The following ZNF385D variants were observed in gnomAD, a reference collection of about 807,000 sequenced individuals.
ZNF385D encodes zinc finger protein 659.
Under a neutral mutation model 35.8 loss-of-function variants are expected in ZNF385D, and 15 were observed. That is an observed-to-expected ratio of 0.42 (90% CI 0.28 to 0.64). ZNF385D has a LOEUF of 0.64. Ranked by LOEUF, ZNF385D falls within the 30% of genes least tolerant of loss-of-function variation. ZNF385D has a pLI of 0.23. For synonymous variants in ZNF385D, 212 were observed against 186.8 expected (o/e 1.13, Z -1.10); for missense variants, 474 against 494.6 (o/e 0.96, Z 0.39).
chr3:22,008,055 A>G (rs909298012), intron 3 of ZNF385D, among the ~76,000 whole-genome samples: 1 of 151,890 alleles, frequency 6.6e-6, no homozygotes, highest in African/African-American at 2.4e-5. Flanking sequence ...TTATTTTTCC[A>G]GAGTTTGATG....
intron 3 of ZNF385D, among the ~76,000 whole-genome samples, chr3:21,995,564 G>T (rs1288913529): frequency 2.0e-5 from 3 of 152,052 alleles, no homozygotes; most frequent in Non-Finnish European, 4.4e-5. Flanking sequence ...CATGAGTGCT[G>T]GTGGCAGTGA....
At chr3:22,079,437 A>T (rs1047970123) in intron 3 of ZNF385D, among the ~76,000 whole-genome samples, 2 of 151,958 alleles carry the variant, frequency 1.3e-5, no homozygotes, top group African/African-American at 4.8e-5. Context: ...CTTTTCTATA[A>T]TTCTAAATGG....
At chr3:22,320,515 G>A (rs1288151770) in intron 2 of ZNF385D, among the ~76,000 whole-genome samples, 1 of 151,010 alleles carries the variant, frequency 6.6e-6, no homozygotes, top group African/African-American at 2.4e-5. Context: ...ATGATAGTGA[G>A]GAAATATTTA....
chr3:22,021,437 A>G (rs1326976372), intron 3 of ZNF385D, among the ~76,000 whole-genome samples: 1 of 152,018 alleles, frequency 6.6e-6, no homozygotes, highest in Non-Finnish European at 1.5e-5. Context: ...TAGAAACAAT[A>G]TTATTACTAG....
intron 3 of ZNF385D, among the ~76,000 whole-genome samples, chr3:22,146,639 A>T (rs1443869043): frequency 2.0e-5 from 3 of 152,170 alleles, no homozygotes; most frequent in Non-Finnish European, 1.5e-5. Flanking sequence ...CTTTTCTCTA[A>T]TATTTGTAAA....
At chr3:21,950,575 C>A (rs565077493) in intron 3 of ZNF385D, among the ~76,000 whole-genome samples, 1 of 151,776 alleles carries the variant, frequency 6.6e-6, no homozygotes, top group South Asian at 2.1e-4. Context: ...TCTATTTTGG[C>A]TTTTGTTGCC....
Position 21,425,492 on chromosome 3 carries a change from C to T in ZNF385D, c.852G>A (p.Gln284=). Residue 284 remains glutamine (Q), a splice_region_variant and synonymous_variant, in exon 6 of 8, where the codon CAG becomes CAA. Transcript: ENST00000281523. ...VHVNSETQLK[Q]HISSRRHKDR... ...CATTCCTAGAATACGTGCTGTTTAC[C>T]TGTTTAAGTTGCGTTTCCGAGTTGA... 6.3e-7 allele frequency: 1 copy of T among 1,592,170 alleles called. No individual in the cohort carries two copies. Among genetic ancestry groups the T allele is most frequent in the Non-Finnish European group, 8.6e-7 (1 of 1,167,678 alleles).
At chr3:21,551,622 T>A (rs558448356) in intron 3 of ZNF385D, among the ~76,000 whole-genome samples, 3 of 152,264 alleles carry the variant, frequency 2.0e-5, no homozygotes, top group African/African-American at 7.2e-5. Flanking sequence ...TTTGCCTAGG[T>A]CACATGGTAA....
At chr3:22,075,511 C>A (rs551251337) in intron 3 of ZNF385D, among the ~76,000 whole-genome samples, 1 of 152,010 alleles carries the variant, frequency 6.6e-6, no homozygotes, top group African/African-American at 2.4e-5. Flanking sequence ...CTCTCCTTAA[C>A]AAATCTTCTT....
intron 2 of ZNF385D, among the ~76,000 whole-genome samples, chr3:22,264,245 A>G (rs565792046): frequency 5.8e-4 from 89 of 152,180 alleles, no homozygotes; most frequent in African/African-American, 2.0e-3. Flanking sequence ...GCTTTCAGTA[A>G]TTAATGCATA....
At chr3:22,304,359 T>C (rs1159847304) in intron 2 of ZNF385D, among the ~76,000 whole-genome samples, 1 of 152,168 alleles carries the variant, frequency 6.6e-6, no homozygotes, top group African/African-American at 2.4e-5. Context: ...TTGCTTATAT[T>C]TAAGATTCTT....
chr3:21,428,366 G>T (rs987828775), intron 5 of ZNF385D, among the ~76,000 whole-genome samples: 1 of 152,012 alleles, frequency 6.6e-6, no homozygotes, highest in Non-Finnish European at 1.5e-5. Context: ...TAAGTTACTA[G>T]CTCGTGGTCA....
At chr3:22,194,452 GAGA>G (rs1352172630) in intron 2 of ZNF385D, among the ~76,000 whole-genome samples, 32 of 151,786 alleles carry the variant, frequency 2.1e-4, no homozygotes, top group Non-Finnish European at 3.8e-4. Flanking sequence ...CAATTATACA[GAGA>G]AGATTTGTTT....
intron 2 of ZNF385D, among the ~76,000 whole-genome samples, chr3:22,220,111 T>G (rs1698162240): frequency 6.6e-6 from 1 of 151,624 alleles, no homozygotes; most frequent in Non-Finnish European, 1.5e-5. Context: ...TCATTCAGGC[T>G]GGATTGCAGT....
intron 3 of ZNF385D, among the ~76,000 whole-genome samples, chr3:21,531,859 C>T (rs567876038): frequency 3.9e-5 from 6 of 152,254 alleles, no homozygotes; most frequent in Admixed American, 3.3e-4. Flanking sequence ...ATATACGACA[C>T]CAATTACGAA....
At chr3:22,111,667 C>G (rs1196355091) in intron 3 of ZNF385D, among the ~76,000 whole-genome samples, 1 of 152,112 alleles carries the variant, frequency 6.6e-6, no homozygotes, top group Admixed American at 6.6e-5. Flanking sequence ...GTTAGACTTA[C>G]GCTGTCTTCG....
chr3:21,825,327 A>T (rs1257665417), intron 3 of ZNF385D, among the ~76,000 whole-genome samples: 1 of 152,178 alleles, frequency 6.6e-6, no homozygotes, highest in African/African-American at 2.4e-5. Context: ...TATTACCAGA[A>T]CTATCTGTCA....
At chr3:22,196,065 G>T (rs12637485) in intron 2 of ZNF385D, among the ~76,000 whole-genome samples, 50,475 of 151,830 alleles carry the variant, frequency 0.33, 8,560 homozygotes, top group Middle Eastern at 0.37. Flanking sequence ...GAAAAATAAC[G>T]AATGGATAGT....
intron 3 of ZNF385D, among the ~76,000 whole-genome samples, chr3:22,085,593 C>G (rs1320819622): frequency 6.6e-6 from 1 of 152,034 alleles, no homozygotes; most frequent in Non-Finnish European, 1.5e-5. Context: ...AACAGCCTAC[C>G]AACCAAAAAA....
Sources: gnomAD v4.1 joint callset for allele counts (sites outside exome capture counted in the v4.1 genomes callset) on GRCh38, gnomAD v4.1.1 for gene constraint, MANE v1.5 for transcripts, NCBI Gene and HGNC (gene_info 2026-07-23, HGNC 2026-07-21) for gene names.